KDM1B: variants seen among roughly 807,000 people sequenced by gnomAD.
KDM1B encodes the protein lysine demethylase 1B, also known as lysine-specific histone demethylase 2.
In KDM1B, 63 loss-of-function variants were observed where a neutral mutation model predicts 107.4. That is an observed-to-expected ratio of 0.59 (90% CI 0.48 to 0.72). The LOEUF (loss-of-function observed/expected upper bound fraction) is 0.72, where lower values mean the gene tolerates loss of function less well. Ranked by LOEUF, KDM1B falls within the 30% of genes least tolerant of loss-of-function variation. The pLI is 0.00. For synonymous variants in KDM1B, 363 were observed against 363.9 expected (o/e 1.00, Z 0.03); for missense variants, 749 against 1,020.8 (o/e 0.73, Z 3.63).
chr6:18,190,685 G>C (rs977149228), intron 9 of KDM1B, among the ~76,000 whole-genome samples: 1 of 152,120 alleles, frequency 6.6e-6, no homozygotes, highest in African/African-American at 2.4e-5. Context: ...CAGATCACTT[G>C]AGGCCAGTAC....
At chr6:18,163,261 T>C (rs1785085654) in intron 5 of KDM1B, among the ~76,000 whole-genome samples, 1 of 152,016 alleles carries the variant, frequency 6.6e-6, no homozygotes, top group South Asian at 2.1e-4. Flanking sequence ...GGTCTCGCCA[T>C]GTTGTCCAGG....
intron 5 of KDM1B, among the ~76,000 whole-genome samples, chr6:18,165,669 A>G (rs1044745959): frequency 3.3e-5 from 5 of 152,118 alleles, no homozygotes; most frequent in Non-Finnish European, 5.9e-5. Flanking sequence ...CTAAAAATAC[A>G]AAAGTTAGCC....
At chr6:18,178,895 T>G (rs1405516836) in intron 7 of KDM1B, among the ~76,000 whole-genome samples, 2 of 152,226 alleles carry the variant, frequency 1.3e-5, no homozygotes, top group Admixed American at 1.3e-4. Context: ...CTCTTCTCAG[T>G]CTTTTTGCCC....
At chr6:18,199,327 G>A (rs931901334) in intron 12 of KDM1B, among the ~76,000 whole-genome samples, 2 of 152,110 alleles carry the variant, frequency 1.3e-5, no homozygotes, top group South Asian at 2.1e-4. Flanking sequence ...ATTCCTTTCC[G>A]CCCCATCCCC....
intron 9 of KDM1B, among the ~76,000 whole-genome samples, chr6:18,188,550 C>G (rs573993630): frequency 6.6e-6 from 1 of 152,248 alleles, no homozygotes; most frequent in African/African-American, 2.4e-5. Context: ...GTGATCCCAG[C>G]GAAATCACCT....
intron 7 of KDM1B, among the ~76,000 whole-genome samples, chr6:18,178,357 A>G (rs1786182312): frequency 6.6e-6 from 1 of 151,478 alleles, no homozygotes; most frequent in Non-Finnish European, 1.5e-5. Context: ...AAGTGCTGGG[A>G]TTACAGGCAT....
Position 18,200,422 on chromosome 6 carries a change from A to G in KDM1B, c.1222-17A>G, listed in dbSNP as rs373889508. On this transcript the variant is annotated splice_polypyrimidine_tract_variant and intron_variant, in intron 12 of 21. Transcript: ENST00000650836. This position sits in a 1 kb window ranked among gnomAD's most constrained non-coding sequence, Gnocchi z 4.3. The stretch of plus-strand genomic sequence containing the variant: ...TCTTGTGTCCTATTTAGCTTCCCTG[A>G]CTGTCTGTCTTTTTAGGTGACTGTC... The G allele has an allele frequency of 3.0e-5, 48 of 1,612,112 alleles. No homozygotes were observed. The highest frequency in any genetic ancestry group is 3.7e-5 in the Non-Finnish European group (44 of 1,179,228).
At chr6:18,177,866 G>A (rs1261628927) in intron 7 of KDM1B, among the ~76,000 whole-genome samples, 4 of 152,024 alleles carry the variant, frequency 2.6e-5, no homozygotes, top group Non-Finnish European at 4.4e-5. Flanking sequence ...CAGTATTTGC[G>A]ACAGAGCCCA....
intron 7 of KDM1B, among the ~76,000 whole-genome samples, chr6:18,177,143 A>G (rs1786072690): frequency 1.3e-5 from 2 of 151,984 alleles, no homozygotes; most frequent in Admixed American, 6.6e-5. Context: ...CAATCTCACT[A>G]CTTGTTATTG....
intron 10 of KDM1B, among the ~76,000 whole-genome samples, chr6:18,192,210 C>T (rs1411387939): frequency 2.0e-5 from 3 of 152,140 alleles, no homozygotes; most frequent in South Asian, 2.1e-4. Flanking sequence ...TGCAGTAAGC[C>T]GTGATTGTGC....
rs1178624222 is a variant in KDM1B, at chr6:18,214,771, A to C, written c.2110-236A>C. The stretch of plus-strand genomic sequence containing the variant: ...CTAAAAATACAAAAGTTAGCCGGGC[A>C]TGGTGGCAGACGCCTGTAATCCCAG... On this transcript the variant is annotated intron_variant, in intron 19 of 21. Transcript: ENST00000650836. This position sits in a 1 kb window ranked among gnomAD's most constrained non-coding sequence, Gnocchi z 4.4. Among the ~76,000 whole-genome samples, 1 of 152,134 alleles carries C rather than the reference A, an allele frequency of 6.6e-6. No homozygotes were observed. Among genetic ancestry groups the C allele is most frequent in the East Asian group, 1.9e-4 (1 of 5,190 alleles).
At chr6:18,182,635 T>A (rs1168204176) in intron 7 of KDM1B, among the ~76,000 whole-genome samples, 1 of 152,010 alleles carries the variant, frequency 6.6e-6, no homozygotes, top group Non-Finnish European at 1.5e-5. Context: ...AACTCCTGAG[T>A]TCAAGTGATT....
At chr6:18,166,246 T>C in intron 5 of KDM1B, 21 bp from the exon 6 acceptor site, 3 of 1,130,072 alleles carry the variant, frequency 2.7e-6, no homozygotes, top group Non-Finnish European at 4.1e-6. Context: ...AATCGATATA[T>C]TAATTTTTCT....
In KDM1B at chr6:18,191,496, CTG is replaced by C. The variant is rs1048226071; in HGVS notation, c.969+117_969+118del. 8.6e-7 allele frequency: 1 copy of C among 1,168,562 alleles called. No individual in the cohort carries two copies. The highest frequency in any genetic ancestry group is 1.6e-5 in the African/African-American group (1 of 64,222). The allele number at this position is 1,168,562 out of a possible 1,614,324, so 72.4% of individuals were successfully genotyped here. A position where few individuals can be genotyped will look rare whatever the true frequency, so the allele number is the denominator to read the frequency against. On this transcript the variant is annotated intron_variant, in intron 10 of 21. Transcript: ENST00000650836. This position sits in a 1 kb window ranked among gnomAD's most constrained non-coding sequence, Gnocchi z 5.1. ...ATGCCAGGGTTTCTCAGCCGTGCCT[CTG>C]TTGACAATTTGGGCAGATAATTCTT...
At chr6:18,208,856 C>G (rs1788613641) in intron 17 of KDM1B, among the ~76,000 whole-genome samples, 1 of 148,892 alleles carries the variant, frequency 6.7e-6, no homozygotes. Context: ...GGGTTTCACC[C>G]TGTTAGCCAG....
intron 2 of KDM1B, among the ~76,000 whole-genome samples, chr6:18,156,746 G>A (rs1354336641): frequency 6.6e-6 from 1 of 151,880 alleles, no homozygotes; most frequent in African/African-American, 2.4e-5. Flanking sequence ...GTGAAACCTG[G>A]TCTCTACTAA....
intron 20 of KDM1B, 30 bp downstream of exon 20, chr6:18,215,159 G>A (rs749824387): frequency 1.2e-6 from 2 of 1,601,080 alleles, no homozygotes; most frequent in Admixed American, 1.7e-5. Context: ...CCTTGAAAGG[G>A]GCAAGCCGTG....
At chr6:18,208,887 C>T (rs1292779980) in intron 17 of KDM1B, among the ~76,000 whole-genome samples, 1 of 150,632 alleles carries the variant, frequency 6.6e-6, no homozygotes, top group Non-Finnish European at 1.5e-5. Flanking sequence ...ATCTCCTGAC[C>T]TCATGATCCG....
At chr6:18,178,363 GGCATGAGCCACC>G (rs1274536652) in intron 7 of KDM1B, among the ~76,000 whole-genome samples, 1 of 151,778 alleles carries the variant, frequency 6.6e-6, no homozygotes, top group African/African-American at 2.4e-5. Context: ...TGGGATTACA[GGCATGAGCCACC>G]GCACCCGGCC....
Sources: gnomAD v4.1 joint callset for allele counts (sites outside exome capture counted in the v4.1 genomes callset) on GRCh38, gnomAD v4.1.1 for gene constraint, Gnocchi (gnomAD v3.1) non-coding constraint, MANE v1.5 for transcripts, NCBI Gene and HGNC (gene_info 2026-07-23, HGNC 2026-07-21) for gene names.